The following ADGRV1 variants were observed in gnomAD, a reference collection of about 807,000 sequenced individuals.
ADGRV1 encodes adhesion G protein-coupled receptor V1.
A neutral mutation model predicts 596.2 loss-of-function variants in ADGRV1; 359 were observed. The ratio of observed to expected loss-of-function variants is 0.60; its 90% CI spans 0.55 to 0.66. The LOEUF (loss-of-function observed/expected upper bound fraction) is 0.66, where lower values mean the gene tolerates loss of function less well. Ranked by LOEUF, ADGRV1 falls within the 30% of genes least tolerant of loss-of-function variation. The pLI, the probability that ADGRV1 is intolerant of heterozygous loss-of-function variation, is 0.00. For missense variants in ADGRV1, 7,274 were observed against 7,575.6 expected (o/e 0.96, Z 1.48); for synonymous variants, 2,681 against 2,679.2 (o/e 1.00, Z -0.02).
intron 85 of ADGRV1, among the ~76,000 whole-genome samples, chr5:91,054,079 G>GTT (rs1786597145): frequency 8.3e-6 from 1 of 120,180 alleles, no homozygotes; most frequent in Non-Finnish European, 1.7e-5. Flanking sequence ...GTTTGTGTGT[G>GTT]TGTGTGTGTG....
At chr5:90,578,565 A>G (rs946304674) in intron 1 of ADGRV1, among the ~76,000 whole-genome samples, 1 of 152,164 alleles carries the variant, frequency 6.6e-6, no homozygotes, top group Non-Finnish European at 1.5e-5. Context: ...ATATTGGTCT[A>G]AAATTCTCTT....
At chr5:90,860,015 C>T (rs977232253) in intron 82 of ADGRV1, among the ~76,000 whole-genome samples, 3 of 151,736 alleles carry the variant, frequency 2.0e-5, no homozygotes, top group Non-Finnish European at 4.4e-5. Context: ...TGCTTGAGCT[C>T]AGGAGTTCAA....
chr5:90,966,972 A>G (rs1778525821), intron 84 of ADGRV1, among the ~76,000 whole-genome samples: 1 of 152,164 alleles, frequency 6.6e-6, no homozygotes. Context: ...TTCTTGTTGA[A>G]GAGGAAGGTT....
At chr5:90,701,727 T>C (rs1408983485) in intron 34 of ADGRV1, among the ~76,000 whole-genome samples, 1 of 151,954 alleles carries the variant, frequency 6.6e-6, no homozygotes, top group Admixed American at 6.6e-5. Context: ...CTTTTAGTGT[T>C]TTTACATGTA....
chr5:91,095,966 A>G (rs1562212827), intron 86 of ADGRV1, among the ~76,000 whole-genome samples: 1 of 151,950 alleles, frequency 6.6e-6, no homozygotes, highest in East Asian at 1.9e-4. Flanking sequence ...TTTCACATTG[A>G]CCAGGCTCAT....
chr5:90,596,014 A>G (rs1196746230), intron 1 of ADGRV1, among the ~76,000 whole-genome samples: 1 of 133,058 alleles, frequency 7.5e-6, no homozygotes, highest in Non-Finnish European at 1.6e-5. Context: ...CCGGGCGGAG[A>G]GGCTCCTCAC....
At chr5:90,679,197 G>C (rs940037677) in intron 25 of ADGRV1, among the ~76,000 whole-genome samples, 9 of 152,070 alleles carry the variant, frequency 5.9e-5, no homozygotes, top group Non-Finnish European at 1.2e-4. Context: ...CTAAGTGTAT[G>C]ATTATATAAT....
chr5:90,974,678 A>G (rs1377386154), intron 84 of ADGRV1, among the ~76,000 whole-genome samples: 1 of 152,198 alleles, frequency 6.6e-6, no homozygotes, highest in Non-Finnish European at 1.5e-5. Flanking sequence ...TCCCTTCCTT[A>G]CACCTTATAC....
intron 1 of ADGRV1, among the ~76,000 whole-genome samples, chr5:90,603,609 G>T (rs1485858995): frequency 2.0e-5 from 3 of 152,096 alleles, no homozygotes; most frequent in African/African-American, 7.2e-5. Context: ...CATGTGAAGG[G>T]AAGTGACTTG....
At chr5:90,935,964 G>A (rs1199772534) in intron 83 of ADGRV1, among the ~76,000 whole-genome samples, 1 of 152,030 alleles carries the variant, frequency 6.6e-6, no homozygotes, top group African/African-American at 2.4e-5. Context: ...ACTACAGCCT[G>A]AGCAACATAG....
intron 87 of ADGRV1, among the ~76,000 whole-genome samples, chr5:91,140,319 C>T (rs1794989157): frequency 6.6e-6 from 1 of 152,170 alleles, no homozygotes; most frequent in Non-Finnish European, 1.5e-5. Flanking sequence ...TCACCTATCA[C>T]TGGCCAATTA....
intron 1 of ADGRV1, among the ~76,000 whole-genome samples, chr5:90,592,247 A>C (rs896932506): frequency 3.9e-5 from 6 of 152,224 alleles, no homozygotes; most frequent in African/African-American, 1.4e-4. Flanking sequence ...GGATAAAGAA[A>C]ATGTGGTATA....
chr5:90,946,275 T>C (rs1363062041), intron 83 of ADGRV1, among the ~76,000 whole-genome samples: 1 of 151,950 alleles, frequency 6.6e-6, no homozygotes, highest in East Asian at 1.9e-4. Context: ...ACAGAGTAGA[T>C]AGGGCAAGAT....
At chr5:90,619,777 G>A (rs1376188846) in intron 4 of ADGRV1, among the ~76,000 whole-genome samples, 2 of 138,900 alleles carry the variant, frequency 1.4e-5, no homozygotes, top group East Asian at 4.3e-4. Flanking sequence ...ACAGACGCCG[G>A]TGTGTGATGT....
chr5:90,598,707 G>A (rs1216899746), intron 1 of ADGRV1, among the ~76,000 whole-genome samples: 1 of 152,202 alleles, frequency 6.6e-6, no homozygotes, highest in Non-Finnish European at 1.5e-5. Flanking sequence ...GAGCATACAA[G>A]TAGGGGAGCT....
chr5:91,147,965 T>A (rs1319266149), intron 87 of ADGRV1, among the ~76,000 whole-genome samples: 1 of 152,158 alleles, frequency 6.6e-6, no homozygotes, highest in Non-Finnish European at 1.5e-5. Context: ...AAGGAACTTG[T>A]TGGGAACTGG....
At chr5:90,927,824 C>T (rs1009974182) in intron 83 of ADGRV1, among the ~76,000 whole-genome samples, 17 of 152,042 alleles carry the variant, frequency 1.1e-4, no homozygotes, top group African/African-American at 3.6e-4. Context: ...TAGGGCAGGC[C>T]TGGTGGTGAT....
chr5:90,597,783 A>G (rs1170869162), intron 1 of ADGRV1, among the ~76,000 whole-genome samples: 1 of 152,222 alleles, frequency 6.6e-6, no homozygotes, highest in Non-Finnish European at 1.5e-5. Context: ...ATTAAGAGGT[A>G]AAATCTTAAA....
chr5:90,642,614 T>G, intron 11 of ADGRV1, 22 bp from the exon 12 acceptor site: 1 of 1,606,384 alleles, frequency 6.2e-7, no homozygotes, highest in African/African-American at 1.3e-5. Context: ...GCGGGTGCCA[T>G]TTGTCTCTCT....
Sources: gnomAD v4.1 joint callset for allele counts (sites outside exome capture counted in the v4.1 genomes callset) on GRCh38, gnomAD v4.1.1 for gene constraint, MANE v1.5 for transcripts, NCBI Gene and HGNC (gene_info 2026-07-23, HGNC 2026-07-21) for gene names.